Variants in ZFHX4 observed in about 807,000 individuals in gnomAD.
ZFHX4 encodes the protein zinc finger homeobox protein 4.
Under a neutral mutation model 267.6 loss-of-function variants are expected in ZFHX4, and 56 were observed. The observed-to-expected ratio is 0.21, with a 90% CI of 0.17 to 0.26. The LOEUF (loss-of-function observed/expected upper bound fraction) is 0.26. Among genes scored for constraint, ZFHX4 ranks in the 10% least tolerant of loss-of-function variants. The pLI, the probability that ZFHX4 is intolerant of heterozygous loss-of-function variation, is 1.00. For synonymous variants in ZFHX4, 1,778 were observed against 1,665.6 expected (o/e 1.07, Z -1.64); for missense variants, 4,332 against 4,420.0 (o/e 0.98, Z 0.56).
At position 76,851,858 on chromosome 8, in the gene ZFHX4, G is replaced by A. The variant is rs765413307; in HGVS notation, c.4937G>A (p.Gly1646Asp). The change falls in exon 10 of 11, where the codon GGC becomes GAC. Residue 1646 changes from glycine (G) to aspartate (D), a missense_variant. Gly to Asp is a moderately conservative substitution (Grantham distance 94, BLOSUM62 -1). Around this residue, in one of 7 missense-constraint regions of ZFHX4, gnomAD observed 1,371 missense variants for 1,423.1 expected, o/e 0.96. Transcript: ENST00000651372. ...ATTGCAGCAAATGTCAACAGCCCTG[G>A]CCAGGGGATGTTAGATTCCATGAGT... ...HSIAANVNSP[G>D]QGMLDSMSLA... 3.1e-6 allele frequency: 5 copies of A among 1,613,824 alleles called. No individual in the cohort carries two copies. The East Asian group carries it at 8.9e-5, about 29-fold the overall frequency.
At chr8:76,693,051 CTTGT>C (rs1329336213) in intron 1 of ZFHX4, among the ~76,000 whole-genome samples, 1 of 152,090 alleles carries the variant, frequency 6.6e-6, no homozygotes, top group Non-Finnish European at 1.5e-5. Context: ...TTTCATGATG[CTTGT>C]TTAAGTGTCT....
chr8:76,835,480 C>A (rs953040860), intron 5 of ZFHX4, among the ~76,000 whole-genome samples: 1 of 151,566 alleles, frequency 6.6e-6, no homozygotes, highest in Non-Finnish European at 1.5e-5. Context: ...TTTGCATTCA[C>A]AATGGTATAT....
chr8:76,812,476 G>A (rs1811402059), intron 4 of ZFHX4, among the ~76,000 whole-genome samples: 1 of 152,070 alleles, frequency 6.6e-6, no homozygotes, highest in Non-Finnish European at 1.5e-5. Flanking sequence ...CTTTTAGTTG[G>A]ATTTCAGTAC....
chr8:76,735,780 T>C (rs555366218), intron 3 of ZFHX4, among the ~76,000 whole-genome samples: 35 of 152,208 alleles, frequency 2.3e-4, no homozygotes, highest in Non-Finnish European at 8.8e-5. Flanking sequence ...AAGATGTGTT[T>C]AGGCGACAGA....
intron 3 of ZFHX4, among the ~76,000 whole-genome samples, chr8:76,776,793 T>G (rs1585932825): frequency 6.6e-6 from 1 of 152,200 alleles, no homozygotes; most frequent in East Asian, 1.9e-4. Flanking sequence ...CATTTGATTT[T>G]TTAAAAAATA....
intron 1 of ZFHX4, chr8:76,693,434 C>G (rs754093578): frequency 6.6e-6 from 1 of 152,102 alleles, no homozygotes; most frequent in Non-Finnish European, 1.5e-5. Flanking sequence ...TTAACCAATA[C>G]GGAAACCAAA....
chr8:76,810,434 G>A (rs1194288302), intron 4 of ZFHX4, among the ~76,000 whole-genome samples: 1 of 152,166 alleles, frequency 6.6e-6, no homozygotes, highest in African/African-American at 2.4e-5. Context: ...CTGCTGAAGT[G>A]ATGCAGCAGG....
At chr8:76,857,594 G>A (rs1812767197) in intron 10 of ZFHX4, among the ~76,000 whole-genome samples, 1 of 151,896 alleles carries the variant, frequency 6.6e-6, no homozygotes, top group Non-Finnish European at 1.5e-5. Context: ...CTGGTTTTCT[G>A]TTCTGAGTCA....
rs747266189 is a variant in ZFHX4 at position 76,705,169 on chromosome 8, C to T, written c.1081C>T (p.Arg361Cys). 8 of 1,613,794 alleles carry T rather than the reference C, an allele frequency of 5.0e-6. No homozygotes were observed. In the African/African-American group the frequency reaches 5.3e-5, roughly 11 times the overall value. The change falls in exon 2 of 11, where the codon CGC becomes TGC. Residue 361 changes from arginine to cysteine, a missense_variant. Around this residue, in one of 7 missense-constraint regions of ZFHX4, gnomAD observed 1,195 missense variants for 1,173.6 expected, o/e 1.02. Coordinates refer to ENST00000651372, the MANE Select transcript of ZFHX4 (RefSeq NM_024721.5). The stretch of plus-strand genomic sequence containing the variant: ...CCTCATAGGACCCGATCCAACCTTC[C>T]GCGGTTTATGGAGCGCTTTTCATGT... ...TNLIGPDPTF[R>C]GLWSAFHVEN...
intron 2 of ZFHX4, among the ~76,000 whole-genome samples, chr8:76,707,031 C>A (rs1165818392): frequency 6.6e-6 from 1 of 152,140 alleles, no homozygotes; most frequent in African/African-American, 2.4e-5. Flanking sequence ...ACATATCAAA[C>A]GAGCTTTAAA....
At chr8:76,758,238 T>C (rs1427800669) in intron 3 of ZFHX4, among the ~76,000 whole-genome samples, 1 of 152,104 alleles carries the variant, frequency 6.6e-6, no homozygotes, top group African/African-American at 2.4e-5. Context: ...AGAATGTTAC[T>C]GAGCACTGGA....
chr8:76,834,615 T>G (rs1328259317), intron 5 of ZFHX4, among the ~76,000 whole-genome samples: 1 of 152,120 alleles, frequency 6.6e-6, no homozygotes, highest in African/African-American at 2.4e-5. Flanking sequence ...CTTGTAAGAG[T>G]TGTAAGAGTT....
In ZFHX4 at chr8:76,705,125, C is replaced by G. The variant is rs766666781; in HGVS notation, c.1037C>G (p.Pro346Arg). 10 of 1,613,532 alleles carry G rather than the reference C, an allele frequency of 6.2e-6. No individual in the cohort carries two copies. In the East Asian group the frequency reaches 2.0e-4, roughly 32 times the overall value. Residue 346 changes from proline to arginine, a missense_variant, in exon 2 of 11, where the codon CCC becomes CGC. Around this residue, in one of 7 missense-constraint regions of ZFHX4, gnomAD observed 1,195 missense variants for 1,173.6 expected, o/e 1.02. Coordinates refer to ENST00000651372, the MANE Select transcript of ZFHX4 (RefSeq NM_024721.5). ...CCAAAAAAATCCACTTCTGTTTATCCCCATTTTTCTACTACAAACCTCATA... is the reference window on the plus strand; with the variant it reads ...CCAAAAAAATCCACTTCTGTTTATCGCCATTTTTCTACTACAAACCTCATA... Reference protein sequence around the residue: ...LEPKKSTSVYPHFSTTNLIGP... With the variant: ...LEPKKSTSVYRHFSTTNLIGP...
chr8:76,688,835 C>T (rs186490240), intron 1 of ZFHX4, among the ~76,000 whole-genome samples: 1 of 152,212 alleles, frequency 6.6e-6, no homozygotes, highest in East Asian at 1.9e-4. Flanking sequence ...AAGATCTCAT[C>T]AGATATTAAC....
chr8:76,727,943 G>C (rs1808896723), intron 3 of ZFHX4, among the ~76,000 whole-genome samples: 1 of 152,106 alleles, frequency 6.6e-6, no homozygotes, highest in Non-Finnish European at 1.5e-5. Context: ...CACTTGTTTA[G>C]GATTATGCTC....
chr8:76,747,706 C>A (rs1459782127), intron 3 of ZFHX4, among the ~76,000 whole-genome samples: 2 of 151,972 alleles, frequency 1.3e-5, no homozygotes, highest in African/African-American at 4.8e-5. Context: ...CCGAGGCAGG[C>A]GGATCACCTG....
At chr8:76,697,995 G>T (rs1808003464) in intron 1 of ZFHX4, among the ~76,000 whole-genome samples, 1 of 151,996 alleles carries the variant, frequency 6.6e-6, no homozygotes, top group South Asian at 2.1e-4. Flanking sequence ...CAGCTTTCTA[G>T]TAATACTTTA....
intron 4 of ZFHX4, among the ~76,000 whole-genome samples, chr8:76,792,098 A>G (rs925311439): frequency 6.6e-6 from 1 of 152,172 alleles, no homozygotes; most frequent in Non-Finnish European, 1.5e-5. Context: ...TGGAAGTTAC[A>G]AATACTTCCA....
intron 4 of ZFHX4, among the ~76,000 whole-genome samples, chr8:76,818,288 G>A (rs1811558179): frequency 6.6e-6 from 1 of 152,062 alleles, no homozygotes; most frequent in African/African-American, 2.4e-5. Context: ...AGGAGGAATG[G>A]CATGATGCAG....
Sources: gnomAD v4.1 joint callset for allele counts (sites outside exome capture counted in the v4.1 genomes callset) on GRCh38, gnomAD v4.1.1 for gene constraint, gnomAD v4.1.1 regional missense constraint, MANE v1.5 for transcripts, NCBI Gene and HGNC (gene_info 2026-07-23, HGNC 2026-07-21) for gene names.